Variants in UTRN observed in about 807,000 individuals in gnomAD.
UTRN encodes the protein dystrophin-related protein 1.
UTRN carries 283 observed loss-of-function variants against 463.9 expected under a neutral mutation model. The ratio of observed to expected loss-of-function variants is 0.61; its 90% CI spans 0.55 to 0.67. UTRN has a LOEUF of 0.67. Among genes scored for constraint, UTRN ranks in the 30% least tolerant of loss-of-function variants. UTRN has a pLI of 0.00. For synonymous variants in UTRN, 1,442 were observed against 1,431.5 expected (o/e 1.01, Z -0.17); for missense variants, 3,922 against 4,084.3 (o/e 0.96, Z 1.08).
chr6:144,296,622 C>T (rs1200394360), intron 2 of UTRN, among the ~76,000 whole-genome samples: 1 of 152,206 alleles, frequency 6.6e-6, no homozygotes, highest in Non-Finnish European at 1.5e-5. Context: ...CTCTAGAAAC[C>T]CTGCATTTGA....
chr6:144,300,078 G>T (rs1477521858), intron 2 of UTRN, among the ~76,000 whole-genome samples: 1 of 146,206 alleles, frequency 6.8e-6, no homozygotes, highest in African/African-American at 2.7e-5. Flanking sequence ...CAGCCCAAAA[G>T]TCTTGTGATT....
In UTRN at chr6:144,533,255, G is replaced by C. The variant is rs760336291; in HGVS notation, c.6228G>C (p.Gln2076His). The C allele has an allele frequency of 6.2e-7, 1 of 1,613,864 alleles. No homozygotes were observed. Among genetic ancestry groups the C allele is most frequent in the Admixed American group, 1.7e-5 (1 of 60,012 alleles). The stretch of plus-strand genomic sequence containing the variant: ...TTGTTGCAGAAGTGAAGGATAGGCA[G>C]CCAAGGTGATTTAGCTATGATTGTT... Reference protein sequence around the residue: ...DAIVAEVKDRQPRLKGESKQV... With the variant: ...DAIVAEVKDRHPRLKGESKQV... Residue 2076 changes from glutamine (Q) to histidine (H), a missense_variant, in exon 43 of 75, where the codon CAG (glutamine) becomes CAC (histidine). Physicochemically the swap from Gln to His is conservative, Grantham distance 24 (BLOSUM62 0). Around this residue, in one of 3 missense-constraint regions of UTRN, gnomAD observed 2,349 missense variants for 2,303.8 expected, o/e 1.02. Transcript: ENST00000367545.
chr6:144,595,876 A>G lies in UTRN; in HGVS notation c.7479+18588A>G, dbSNP rs182791392. Among the ~76,000 whole-genome samples, 347 of 152,284 alleles carry G rather than the reference A, an allele frequency of 2.3e-3. 1 individual carries two copies. The highest frequency in any genetic ancestry group is 8.2e-3 in the African/African-American group (339 of 41,564). ...TGAATAACCTGAATTAATGACCATAATGACTGAGTGCTGTTTTGCATTAAT... is the reference window on the plus strand; with the variant it reads ...TGAATAACCTGAATTAATGACCATAGTGACTGAGTGCTGTTTTGCATTAAT... On this transcript the variant is annotated intron_variant, in intron 51 of 74. Transcript: ENST00000367545.
At chr6:144,508,762 G>A (rs1239896593) in intron 34 of UTRN, among the ~76,000 whole-genome samples, 1 of 152,074 alleles carries the variant, frequency 6.6e-6, no homozygotes, top group Non-Finnish European at 1.5e-5. Context: ...TATTTATTTT[G>A]GTGTATTTCG....
intron 30 of UTRN, 70 bp from the exon 31 acceptor site, chr6:144,490,001 T>C (rs1023775827): frequency 1.3e-6 from 2 of 1,562,430 alleles, no homozygotes; most frequent in African/African-American, 2.8e-5. Flanking sequence ...TATAGAACTT[T>C]TGTATTGTCT....
rs1316890157 is a variant in UTRN at position 144,754,750 on chromosome 6, C to A, written c.8386C>A (p.Gln2796Lys). 2 of 1,613,498 alleles carry A rather than the reference C, an allele frequency of 1.2e-6. No homozygotes were observed. Among genetic ancestry groups the A allele is most frequent in the Admixed American group, 3.3e-5 (2 of 59,918 alleles). The change falls in exon 57 of 75, where the codon CAG becomes AAG. Residue 2796 changes from glutamine (Q) to lysine (K), a missense_variant. Physicochemically the swap from Gln to Lys is moderately conservative, Grantham distance 53. Around this residue, in one of 3 missense-constraint regions of UTRN, gnomAD observed 1,309 missense variants for 1,452.6 expected, o/e 0.90. Transcript: ENST00000367545. ...VSVDDRLKQL[Q>K]EAHRDFGPSS... ...TGTGGATGATCGCCTTAAACAGCTTCAGGAAGCCCACAGAGATTTTGGACC... is the reference window on the plus strand; with the variant it reads ...TGTGGATGATCGCCTTAAACAGCTTAAGGAAGCCCACAGAGATTTTGGACC...
At chr6:144,511,389 T>C (rs1455076697) in intron 35 of UTRN, among the ~76,000 whole-genome samples, 1 of 152,236 alleles carries the variant, frequency 6.6e-6, no homozygotes, top group Non-Finnish European at 1.5e-5. Context: ...TTTGTTTCAT[T>C]TTAATGATTT....
intron 51 of UTRN, among the ~76,000 whole-genome samples, chr6:144,624,035 G>A (rs1775701084): frequency 6.6e-6 from 1 of 152,136 alleles, no homozygotes; most frequent in Non-Finnish European, 1.5e-5. Flanking sequence ...CCAGGTAGAT[G>A]TTTTATGCTG....
Position 144,458,980 on chromosome 6 carries a change from A to C in UTRN, c.2495A>C (p.Gln832Pro), listed in dbSNP as rs199798279. 8.7e-5 allele frequency: 140 copies of C among 1,607,594 alleles called. No homozygotes were observed. The highest frequency in any genetic ancestry group is 1.1e-4 in the Non-Finnish European group (131 of 1,177,938). Residue 832 changes from glutamine to proline, a missense_variant, in exon 20 of 75, where the codon CAG becomes CCG. Coordinates refer to ENST00000367545, the MANE Select transcript of UTRN (RefSeq NM_007124.3). ...ACTTCCATTTCTGAATCTTCCCGGC[A>C]GTCCTTGCCAAGCTTGAAGGATTCC... ...KHTSISESSR[Q>P]SLPSLKDSCQ...
intron 51 of UTRN, among the ~76,000 whole-genome samples, chr6:144,578,758 C>T (rs1045335509): frequency 6.6e-6 from 1 of 152,226 alleles, no homozygotes; most frequent in Non-Finnish European, 1.5e-5. Flanking sequence ...TAAGTGAATA[C>T]TGACTGCTGT....
Position 144,709,849 on chromosome 6 carries a change from G to T in UTRN, c.7809+9606G>T, listed in dbSNP as rs575621781. On this transcript the variant is annotated intron_variant, in intron 53 of 74. Transcript: ENST00000367545. ...CATATATTCTGAGTCTTCTGATTCC[G>T]AACTATCTTTATATATTCTAGTCCT... 5.9e-5 allele frequency among the ~76,000 whole-genome samples: 9 copies of T among 152,196 alleles called. No individual in the cohort carries two copies. In the East Asian group the frequency reaches 1.5e-3, roughly 26 times the overall value.
At chr6:144,807,094 A>T (rs1778217648) in intron 65 of UTRN, among the ~76,000 whole-genome samples, 1 of 152,074 alleles carries the variant, frequency 6.6e-6, no homozygotes, top group African/African-American at 2.4e-5. Flanking sequence ...TCCCATATGG[A>T]CCTTGATGTT....
chr6:144,329,604 T>C (rs1776202437), intron 2 of UTRN, among the ~76,000 whole-genome samples: 1 of 152,194 alleles, frequency 6.6e-6, no homozygotes, highest in Non-Finnish European at 1.5e-5. Flanking sequence ...AAAATGGTTA[T>C]GATTTTTGCT....
chr6:144,613,280 A>G (rs1805717493), intron 51 of UTRN, among the ~76,000 whole-genome samples: 3 of 152,008 alleles, frequency 2.0e-5, no homozygotes, highest in Non-Finnish European at 4.4e-5. Context: ...AAGAGGATTT[A>G]TGGCAAACCA....
intron 52 of UTRN, among the ~76,000 whole-genome samples, chr6:144,697,712 C>T (rs1784166679): frequency 6.6e-6 from 1 of 152,166 alleles, no homozygotes; most frequent in South Asian, 2.1e-4. Context: ...GCCACTTCAG[C>T]ATTTCTTTTA....
chr6:144,379,710 C>A (rs189796776), intron 2 of UTRN, among the ~76,000 whole-genome samples: 1 of 152,274 alleles, frequency 6.6e-6, no homozygotes, highest in East Asian at 1.9e-4. Context: ...GAATAGACAG[C>A]CACCAAATAA....
intron 65 of UTRN, among the ~76,000 whole-genome samples, chr6:144,819,913 T>TCCTC (rs1290959730): frequency 2.4e-5 from 3 of 122,712 alleles, no homozygotes; most frequent in African/African-American, 1.1e-4. Flanking sequence ...CTCCTCCTCC[T>TCCTC]CTCTCTCTCT....
chr6:144,481,933 C>T (rs1347887666), intron 26 of UTRN, among the ~76,000 whole-genome samples: 2 of 152,106 alleles, frequency 1.3e-5, no homozygotes, highest in Non-Finnish European at 2.9e-5. Flanking sequence ...GTGGTGGGTG[C>T]CTGTAATCAC....
intron 74 of UTRN, 67 bp downstream of exon 74, chr6:144,846,894 G>T: frequency 6.3e-7 from 1 of 1,585,088 alleles, no homozygotes; most frequent in South Asian, 1.1e-5. Flanking sequence ...GATTATCCAC[G>T]ACTGATTTTA....
Sources: gnomAD v4.1 joint callset for allele counts (sites outside exome capture counted in the v4.1 genomes callset) on GRCh38, gnomAD v4.1.1 for gene constraint, gnomAD v4.1.1 regional missense constraint, MANE v1.5 for transcripts, NCBI Gene and HGNC (gene_info 2026-07-23, HGNC 2026-07-21) for gene names.